Variants in PIKFYVE observed in about 807,000 individuals in gnomAD.
PIKFYVE encodes the protein 1-phosphatidylinositol 3-phosphate 5-kinase.
In PIKFYVE, 122 loss-of-function variants were observed where a neutral mutation model predicts 257.9. That is an observed-to-expected ratio of 0.47 (90% CI 0.41 to 0.55). The LOEUF (loss-of-function observed/expected upper bound fraction) is 0.55, where lower values mean the gene tolerates loss of function less well. Ranked by LOEUF, PIKFYVE falls within the 20% of genes least tolerant of loss-of-function variation. PIKFYVE has a pLI of 0.00. For missense variants in PIKFYVE, 2,160 were observed against 2,536.6 expected (o/e 0.85, Z 3.19); for synonymous variants, 892 against 868.9 (o/e 1.03, Z -0.47).
chr2:208,271,861 C>G (rs1166675752), intron 2 of PIKFYVE, among the ~76,000 whole-genome samples, 170 bp downstream of exon 2: 1 of 152,088 alleles, frequency 6.6e-6, no homozygotes, highest in East Asian at 1.9e-4. Context: ...TCGTAGGTCT[C>G]CAGGGTTTAC....
At chr2:208,307,275 AT>A (rs1238687600) in intron 12 of PIKFYVE, among the ~76,000 whole-genome samples, 1 of 152,210 alleles carries the variant, frequency 6.6e-6, no homozygotes, top group African/African-American at 2.4e-5. Flanking sequence ...TAGGCCAGTT[AT>A]TTGGGAAAGT....
intron 6 of PIKFYVE, among the ~76,000 whole-genome samples, chr2:208,286,534 A>T (rs1574456966): frequency 1.3e-5 from 2 of 152,038 alleles, no homozygotes; most frequent in East Asian, 3.9e-4. Context: ...TCTGATTTTT[A>T]AAAATTATTA....
At chr2:208,288,644 A>G in intron 6 of PIKFYVE, 85 bp from the exon 7 acceptor site, 1 of 1,566,192 alleles carries the variant, frequency 6.4e-7, no homozygotes, top group Non-Finnish European at 8.7e-7. Context: ...AAAAAGATTA[A>G]ATCTGCTTTT....
At position 208,336,173 on chromosome 2, in the gene PIKFYVE, G is replaced by C. The variant is rs781269424; in HGVS notation, c.4493G>C (p.Cys1498Ser). Residue 1498 changes from cysteine (C) to serine (S), a missense_variant, in exon 27 of 42, where the codon TGT becomes TCT. Around this residue, in one of 12 missense-constraint regions of PIKFYVE, gnomAD observed 699 missense variants for 855.8 expected, o/e 0.82. Transcript: ENST00000264380. ...CTCATTGCCAAGAAACAAAGTCTCT[G>C]TGAAGTGCTGCAAGCTTGGAATAAC... ...ESLIAKKQSL[C>S]EVLQAWNNRL... 7 of 1,613,922 alleles carry C rather than the reference G, an allele frequency of 4.3e-6. No homozygotes were observed. In the South Asian group the frequency reaches 7.7e-5, roughly 18 times the overall value.
At chr2:208,333,035 C>CT (rs1697729764) in intron 23 of PIKFYVE, among the ~76,000 whole-genome samples, 1 of 151,796 alleles carries the variant, frequency 6.6e-6, no homozygotes, top group Non-Finnish European at 1.5e-5. Context: ...AAGATCGAGA[C>CT]CACCCTGGCT....
intron 1 of PIKFYVE, among the ~76,000 whole-genome samples, chr2:208,270,242 A>G (rs1211839536): frequency 5.3e-5 from 8 of 151,852 alleles, no homozygotes; most frequent in Non-Finnish European, 8.8e-5. Context: ...GGGTTTCACC[A>G]TGTTGGCCAG....
chr2:208,318,160 G>A (rs1393692363), intron 16 of PIKFYVE, among the ~76,000 whole-genome samples: 1 of 152,182 alleles, frequency 6.6e-6, no homozygotes, highest in East Asian at 1.9e-4. Flanking sequence ...GACAGAAGGA[G>A]GAAGGGGAGA....
At chr2:208,315,405 G>A in intron 15 of PIKFYVE, 32 bp downstream of exon 15, 3 of 1,609,222 alleles carry the variant, frequency 1.9e-6, no homozygotes, top group Non-Finnish European at 1.7e-6. Context: ...CTAATGCTAG[G>A]AACTGATGAG....
At chr2:208,314,151 C>T (rs1380543581) in intron 13 of PIKFYVE, 143 bp from the exon 14 acceptor site, 3 of 802,494 alleles carry the variant, frequency 3.7e-6, no homozygotes, top group Non-Finnish European at 4.1e-6. Context: ...ATGTTTATTA[C>T]ATGTTCTTGC....
chr2:208,314,661 G>A (rs1695277209), intron 14 of PIKFYVE, among the ~76,000 whole-genome samples: 1 of 152,204 alleles, frequency 6.6e-6, no homozygotes, highest in Non-Finnish European at 1.5e-5. Flanking sequence ...CACTTTGGGA[G>A]GCTGAGGCGG....
chr2:208,288,649 G>A (rs1691895114), intron 6 of PIKFYVE, 80 bp from the exon 7 acceptor site: 5 of 1,576,032 alleles, frequency 3.2e-6, no homozygotes, highest in South Asian at 1.2e-5. Flanking sequence ...GATTAAATCT[G>A]CTTTTAATGT....
At chr2:208,308,420 T>C (rs1346922037) in intron 12 of PIKFYVE, among the ~76,000 whole-genome samples, 1 of 150,910 alleles carries the variant, frequency 6.6e-6, no homozygotes, top group Admixed American at 6.6e-5. Context: ...AGAAAAAAAA[T>C]TCCATATTAT....
chr2:208,347,427 T>G (rs1317449066), intron 34 of PIKFYVE, among the ~76,000 whole-genome samples: 1 of 152,214 alleles, frequency 6.6e-6, no homozygotes, highest in Non-Finnish European at 1.5e-5. Flanking sequence ...GATGTTACCT[T>G]TAACTGAATT....
At chr2:208,301,856 C>T (rs556230647) in intron 9 of PIKFYVE, among the ~76,000 whole-genome samples, 1 of 152,274 alleles carries the variant, frequency 6.6e-6, no homozygotes, top group South Asian at 2.1e-4. Flanking sequence ...TATACACACA[C>T]ACACATTTTA....
At chr2:208,270,618 G>A (rs1433540107) in intron 1 of PIKFYVE, among the ~76,000 whole-genome samples, 2 of 152,172 alleles carry the variant, frequency 1.3e-5, no homozygotes, top group African/African-American at 4.8e-5. Flanking sequence ...GATTTGAGTA[G>A]TTGTCATAGG....
At chr2:208,332,504 T>A (rs560560204) in intron 23 of PIKFYVE, among the ~76,000 whole-genome samples, 1 of 152,288 alleles carries the variant, frequency 6.6e-6, no homozygotes, top group African/African-American at 2.4e-5. Context: ...TTTGTAAATA[T>A]GTATATACAA....
chr2:208,324,039 A>G (rs1050709797), intron 17 of PIKFYVE, 103 bp from the exon 18 acceptor site: 2 of 1,289,508 alleles, frequency 1.6e-6, no homozygotes, highest in Non-Finnish European at 2.2e-6. Context: ...GATTGCAAAA[A>G]TTTTCTCCCA....
chr2:208,272,152 G>A (rs1265872503), intron 2 of PIKFYVE, among the ~76,000 whole-genome samples: 2 of 151,852 alleles, frequency 1.3e-5, no homozygotes, highest in Non-Finnish European at 2.9e-5. Context: ...GGAGAATGGC[G>A]TGAACCCAGG....
intron 31 of PIKFYVE, 54 bp from the exon 32 acceptor site, chr2:208,342,500 T>C (rs1021395272): frequency 7.4e-7 from 1 of 1,351,724 alleles, no homozygotes; most frequent in Non-Finnish European, 1.1e-6. Context: ...TTCTTAATTA[T>C]ATTCTTAACT....
Sources: allele counts gnomAD v4.1 joint callset (sites outside exome capture counted in the v4.1 genomes callset), GRCh38; gene constraint gnomAD v4.1.1; regional missense constraint gnomAD v4.1.1; transcripts MANE v1.5; gene names NCBI Gene and HGNC (gene_info 2026-07-23, HGNC 2026-07-21).